STK39: variants seen among roughly 807,000 people sequenced by gnomAD.
STK39 encodes STE20/SPS1-related proline-alanine-rich protein kinase.
In STK39, 20 loss-of-function variants were observed where a neutral mutation model predicts 77.8. The ratio of observed to expected loss-of-function variants is 0.26; its 90% confidence interval spans 0.18 to 0.37. The LOEUF is 0.37. Ranked by LOEUF, STK39 falls within the 10% of genes least tolerant of loss-of-function variation. The pLI, the probability that STK39 is intolerant of heterozygous loss-of-function variation, is 1.00. For synonymous variants in STK39, 246 were observed against 234.1 expected, an observed-to-expected ratio of 1.05 and a Z score of -0.47; for missense variants, 479 against 656.5, an observed-to-expected ratio of 0.73 and a Z score of 2.95.
intron 5 of STK39, among the ~76,000 whole-genome samples, chr2:168,143,505 G>C (rs1189202688): frequency 6.6e-6 from 1 of 152,166 alleles, no homozygotes; most frequent in Non-Finnish European, 1.5e-5. Flanking sequence ...GAGGTCAGGA[G>C]TTCAAGACCA....
intron 10 of STK39, among the ~76,000 whole-genome samples, chr2:168,094,258 A>G (rs16854706): frequency 0.14 from 20,825 of 152,248 alleles, 1,756 homozygotes; most frequent in East Asian, 0.21. Flanking sequence ...TTACAGAGTG[A>G]GTCTTATCTC....
chr2:168,182,575 C>G (rs1450577121), intron 1 of STK39, among the ~76,000 whole-genome samples: 5 of 152,134 alleles, frequency 3.3e-5, no homozygotes, highest in Admixed American at 2.0e-4. Flanking sequence ...CTAGTATTCT[C>G]ATGTTGAAAG....
intron 10 of STK39, among the ~76,000 whole-genome samples, chr2:168,097,525 G>C (rs2105444428): frequency 6.6e-6 from 1 of 152,230 alleles, no homozygotes; most frequent in Non-Finnish European, 1.5e-5. Context: ...AGGAGATTGA[G>C]ACACACCTGA....
chr2:168,061,478 T>C (rs535933017), intron 14 of STK39, among the ~76,000 whole-genome samples: 2 of 152,294 alleles, frequency 1.3e-5, no homozygotes, highest in African/African-American at 4.8e-5. Flanking sequence ...AAAAAGTGTA[T>C]GTGCGTGTGT....
At chr2:168,225,438 T>G (rs1690279544) in intron 1 of STK39, among the ~76,000 whole-genome samples, 1 of 152,204 alleles carries the variant, frequency 6.6e-6, no homozygotes, top group South Asian at 2.1e-4. Context: ...TTCAGAATTT[T>G]ATCACCATTA....
chr2:168,110,796 G>A (rs927443338), intron 10 of STK39, among the ~76,000 whole-genome samples: 6 of 152,062 alleles, frequency 3.9e-5, no homozygotes, highest in African/African-American at 1.4e-4. Context: ...TCAGCTTGTT[G>A]AGTTTCTCAA....
At chr2:168,155,409 G>C (rs1688400609) in intron 5 of STK39, among the ~76,000 whole-genome samples, 1 of 151,996 alleles carries the variant, frequency 6.6e-6, no homozygotes, top group African/African-American at 2.4e-5. Context: ...AAAAATCAGG[G>C]AGCCACATTA....
chr2:168,101,656 T>C (rs1470562987), intron 10 of STK39, among the ~76,000 whole-genome samples: 1 of 152,062 alleles, frequency 6.6e-6, no homozygotes, highest in African/African-American at 2.4e-5. Context: ...ATTAATTGCT[T>C]GAACCTGGGA....
intron 10 of STK39, among the ~76,000 whole-genome samples, chr2:168,081,587 G>A (rs1457662283): frequency 6.6e-6 from 1 of 152,132 alleles, no homozygotes; most frequent in Non-Finnish European, 1.5e-5. Flanking sequence ...ATACTGAAAT[G>A]AGTTCTGACT....
At chr2:167,971,826 C>A (rs1692354207) in intron 16 of STK39, among the ~76,000 whole-genome samples, 1 of 152,178 alleles carries the variant, frequency 6.6e-6, no homozygotes, top group South Asian at 2.1e-4. Flanking sequence ...GAGGCCCTCC[C>A]CTCAGTAAAG....
intron 10 of STK39, among the ~76,000 whole-genome samples, chr2:168,108,962 C>T (rs1687051627): frequency 6.6e-6 from 1 of 152,244 alleles, no homozygotes; most frequent in African/African-American, 2.4e-5. Flanking sequence ...ATTTAATAGT[C>T]GTAACAACTC....
chr2:168,147,761 G>A (rs1350704347), intron 5 of STK39, among the ~76,000 whole-genome samples: 1 of 152,112 alleles, frequency 6.6e-6, no homozygotes, highest in Non-Finnish European at 1.5e-5. Flanking sequence ...CAAGAAACAT[G>A]CTAATGGGCC....
At chr2:168,008,431 A>G (rs997035638) in intron 16 of STK39, among the ~76,000 whole-genome samples, 3 of 152,204 alleles carry the variant, frequency 2.0e-5, no homozygotes, top group African/African-American at 7.2e-5. Flanking sequence ...ATGCCTATGA[A>G]GAGTCTAAGA....
intron 17 of STK39, among the ~76,000 whole-genome samples, chr2:167,959,178 G>C (rs1262789916): frequency 6.6e-6 from 1 of 152,056 alleles, no homozygotes; most frequent in African/African-American, 2.4e-5. Context: ...GAGTGCAGTG[G>C]TGTGATCTCG....
At chr2:168,130,495 C>T (rs763575171) in intron 8 of STK39, among the ~76,000 whole-genome samples, 96 of 152,262 alleles carry the variant, frequency 6.3e-4, no homozygotes, top group Non-Finnish European at 9.6e-4. Flanking sequence ...AGAGGCAGGT[C>T]CTGTTAGGTC....
chr2:168,099,625 C>T (rs540982476), intron 10 of STK39, among the ~76,000 whole-genome samples: 1 of 152,286 alleles, frequency 6.6e-6, no homozygotes, highest in East Asian at 1.9e-4. Flanking sequence ...CAGGTTGTGA[C>T]AATTCATACA....
chr2:168,085,552 T>C (rs189013939), intron 10 of STK39, among the ~76,000 whole-genome samples: 107 of 152,344 alleles, frequency 7.0e-4, no homozygotes, highest in Admixed American at 1.2e-3. Context: ...AGATCTGATT[T>C]AGAGGACAAG....
chr2:168,129,633 T>C (rs1450094611), intron 9 of STK39, 27 bp from the exon 10 acceptor site: 1 of 1,614,010 alleles, frequency 6.2e-7, no homozygotes, highest in African/African-American at 1.3e-5. Flanking sequence ...CCCAACAGTT[T>C]AACATCAAAT....
At chr2:167,972,669 G>T (rs570968539) in intron 16 of STK39, among the ~76,000 whole-genome samples, 3 of 152,240 alleles carry the variant, frequency 2.0e-5, no homozygotes, top group Admixed American at 6.5e-5. Flanking sequence ...GATAATAAAA[G>T]ATTTAAAAGG....
Sources: gnomAD v4.1 joint callset for allele counts (sites outside exome capture counted in the v4.1 genomes callset) on GRCh38, gnomAD v4.1.1 for gene constraint, MANE v1.5 for transcripts, NCBI Gene and HGNC (gene_info 2026-07-23, HGNC 2026-07-21) for gene names.